Variants in DTL observed in about 807,000 individuals in gnomAD.
DTL encodes denticleless E3 ubiquitin protein ligase adapter.
DTL carries 46 observed loss-of-function variants against 87.0 expected under a neutral mutation model. The ratio of observed to expected loss-of-function variants is 0.53; its 90% CI spans 0.42 to 0.68. The LOEUF (loss-of-function observed/expected upper bound fraction) is 0.68, where lower values mean the gene tolerates loss of function less well. DTL is among the 30% of genes least tolerant of loss of function. The probability of loss-of-function intolerance (pLI) is 0.00; values close to 1 mark genes in which losing one functional copy is unlikely to be tolerated. For missense variants in DTL, 737 were observed against 869.4 expected (o/e 0.85, Z 1.91); for synonymous variants, 308 against 311.2 (o/e 0.99, Z 0.11).
chr1:212,088,262 T>C (rs1655186226), intron 13 of DTL, among the ~76,000 whole-genome samples: 1 of 152,178 alleles, frequency 6.6e-6, no homozygotes, highest in Non-Finnish European at 1.5e-5. Context: ...CTTGCTGCAG[T>C]CTCACAAGTC....
At chr1:212,088,354 A>T (rs1303535197) in intron 13 of DTL, among the ~76,000 whole-genome samples, 1 of 152,198 alleles carries the variant, frequency 6.6e-6, no homozygotes, top group Non-Finnish European at 1.5e-5. Context: ...CTTAACAAAC[A>T]TTGTTTAATA....
intron 13 of DTL, among the ~76,000 whole-genome samples, chr1:212,094,864 G>T (rs1003216790): frequency 3.9e-5 from 6 of 152,108 alleles, no homozygotes; most frequent in African/African-American, 1.4e-4. Context: ...TGTAAAAGGG[G>T]TTGAGTTGTT....
intron 14 of DTL, 98 bp from the exon 15 acceptor site, chr1:212,102,744 G>T: frequency 1.3e-6 from 1 of 797,292 alleles, no homozygotes; most frequent in Non-Finnish European, 2.1e-6. Context: ...GCTAAACAAT[G>T]AAATTTCTGG....
chr1:212,067,320 T>C (rs1654536222), intron 8 of DTL, among the ~76,000 whole-genome samples: 1 of 152,188 alleles, frequency 6.6e-6, no homozygotes, highest in African/African-American at 2.4e-5. Context: ...TTTCTGGGAG[T>C]AATCTAACTA....
intron 3 of DTL, among the ~76,000 whole-genome samples, chr1:212,046,327 T>C (rs1294332611): frequency 1.3e-5 from 2 of 152,232 alleles, no homozygotes; most frequent in African/African-American, 2.4e-5. Context: ...GTGCAGGACA[T>C]GCAGGTTTGT....
chr1:212,102,583 T>G (rs1655655506), intron 14 of DTL, among the ~76,000 whole-genome samples: 1 of 152,234 alleles, frequency 6.6e-6, no homozygotes, highest in Non-Finnish European at 1.5e-5. Flanking sequence ...TATTTGTTTC[T>G]TATTAGGAGA....
chr1:212,068,663 C>T lies in DTL; in HGVS notation c.882C>T (p.Asn294=), dbSNP rs756223929. 4 of 1,612,676 alleles carry T rather than the reference C, an allele frequency of 2.5e-6. No individual in the cohort carries two copies. The South Asian group carries it at 3.3e-5, about 13-fold the overall frequency. Residue 294 remains asparagine (N), a synonymous_variant, in exon 10 of 15, where the codon AAC becomes AAT. Coordinates refer to ENST00000366991, the MANE Select transcript of DTL (RefSeq NM_016448.4). ...STLFANCTDD[N]IYMFNMTGLK... ...TATTTGCTAATTGCACAGACGATAACATCTACATGTTTAATATGACTGGGT... is the reference window on the plus strand; with the variant it reads ...TATTTGCTAATTGCACAGACGATAATATCTACATGTTTAATATGACTGGGT...
chr1:212,066,853 G>A lies in DTL; in HGVS notation c.681G>A (p.Glu227=). The A allele has an allele frequency of 6.2e-6, 10 of 1,613,994 alleles. No individual in the cohort carries two copies. Among genetic ancestry groups the A allele is most frequent in the Non-Finnish European group, 7.6e-6 (9 of 1,179,908 alleles). Residue 227 remains glutamate, a synonymous_variant, in exon 8 of 15, where the codon GAG becomes GAA. Transcript: ENST00000366991. ...TTACTGTGGTCCTCTTTCAAGACGAGAATACCTTAGTCTCAGCAGGAGCTG... is the reference window on the plus strand; with the variant it reads ...TTACTGTGGTCCTCTTTCAAGACGAAAATACCTTAGTCTCAGCAGGAGCTG... ...QSVTVVLFQD[E]NTLVSAGAVD... is the part of the protein sequence containing the mutation.
intron 5 of DTL, among the ~76,000 whole-genome samples, chr1:212,061,689 C>T (rs1291351913): frequency 2.0e-5 from 3 of 152,122 alleles, no homozygotes; most frequent in Admixed American, 6.5e-5. Context: ...AGTATATACA[C>T]AATTGAATAC....
At chr1:212,053,944 G>A (rs1367642331) in intron 5 of DTL, among the ~76,000 whole-genome samples, 1 of 152,062 alleles carries the variant, frequency 6.6e-6, no homozygotes, top group Non-Finnish European at 1.5e-5. Flanking sequence ...CTCTTTGTAA[G>A]TCAAGTAATT....
At chr1:212,097,582 A>T (rs914073661) in intron 13 of DTL, among the ~76,000 whole-genome samples, 2 of 151,474 alleles carry the variant, frequency 1.3e-5, no homozygotes, top group African/African-American at 4.8e-5. Flanking sequence ...ATTGTTTTTT[A>T]TTTATGATAT....
intron 11 of DTL, among the ~76,000 whole-genome samples, chr1:212,077,298 C>T (rs916331682): frequency 6.6e-6 from 1 of 152,122 alleles, no homozygotes; most frequent in African/African-American, 2.4e-5. Flanking sequence ...TTGAATGAGT[C>T]AGCTGTATGA....
intron 8 of DTL, among the ~76,000 whole-genome samples, chr1:212,067,433 G>A (rs1039347022): frequency 6.6e-6 from 1 of 152,142 alleles, no homozygotes; most frequent in Admixed American, 6.5e-5. Context: ...CTTGTTGATT[G>A]TGTTGTAGAA....
At chr1:212,096,143 A>G (rs1371406186) in intron 13 of DTL, among the ~76,000 whole-genome samples, 1 of 152,116 alleles carries the variant, frequency 6.6e-6, no homozygotes. Flanking sequence ...TAGGTTTTCT[A>G]GTTTGTGAGC....
At chr1:212,045,191 G>A (rs1444909918) in intron 3 of DTL, among the ~76,000 whole-genome samples, 2 of 152,160 alleles carry the variant, frequency 1.3e-5, no homozygotes, top group African/African-American at 4.8e-5. Context: ...CAACTTTGGG[G>A]ATTAAATTAT....
chr1:212,072,226 A>G lies in DTL; in HGVS notation c.1035+13A>G, dbSNP rs1031654053. ...CTACATATGGAAGGTAAGTTGCTAA[A>G]CTTCACCCACAAGTGTTAGACTGAA... On this transcript the variant is annotated intron_variant, in intron 11 of 14. Transcript: ENST00000366991. 6 of 1,579,328 alleles carry G rather than the reference A, an allele frequency of 3.8e-6. No homozygotes were observed. Among genetic ancestry groups the G allele is most frequent in the Non-Finnish European group, 5.2e-6 (6 of 1,148,514 alleles).
At position 212,100,996 on chromosome 1, in the gene DTL, A is replaced by T. The variant is rs761475748; in HGVS notation, c.2006A>T (p.Lys669Ile). 12 of 1,614,002 alleles carry T rather than the reference A, an allele frequency of 7.4e-6. No homozygotes were observed. The highest frequency in any genetic ancestry group is 4.4e-5 in the South Asian group (4 of 91,088). Residue 669 changes from lysine (K) to isoleucine (I), a missense_variant, in exon 14 of 15, where the codon AAA (lysine) becomes ATA (isoleucine). Physicochemically the swap from Lys to Ile is moderately radical, Grantham distance 102 (BLOSUM62 -3). Coordinates refer to ENST00000366991, the MANE Select transcript of DTL (RefSeq NM_016448.4). ...AACTGGTTGTTGGCCATGGCAGCCA[A>T]ACGGAAGGCTGAGAATCCATCTCCA... ...NKNWLLAMAA[K>I]RKAENPSPRS...
intron 10 of DTL, 119 bp from the exon 11 acceptor site, chr1:212,071,982 A>T (rs1469870948): frequency 2.9e-6 from 2 of 688,506 alleles, no homozygotes; most frequent in Admixed American, 2.5e-5. Flanking sequence ...ATAAAGCTAG[A>T]TCATCTGCTT....
intron 10 of DTL, 83 bp downstream of exon 10, chr1:212,068,786 C>T (rs1654587327): frequency 8.5e-6 from 7 of 822,178 alleles, no homozygotes; most frequent in Non-Finnish European, 1.4e-5. Flanking sequence ...GGGCTTTCTT[C>T]TAAACTGAAC....
Sources: gnomAD v4.1 joint callset for allele counts (sites outside exome capture counted in the v4.1 genomes callset) on GRCh38, gnomAD v4.1.1 for gene constraint, MANE v1.5 for transcripts, NCBI Gene and HGNC (gene_info 2026-07-23, HGNC 2026-07-21) for gene names.